ZFHX3: variants seen among roughly 807,000 people sequenced by gnomAD.
ZFHX3 encodes zinc finger homeobox 3.
In ZFHX3, 42 loss-of-function variants were observed where a neutral mutation model predicts 279.1. The observed-to-expected ratio is 0.15, with a 90% CI of 0.12 to 0.19. The LOEUF is 0.19. Among genes scored for constraint, ZFHX3 ranks in the 10% least tolerant of loss-of-function variants. The pLI, the probability that ZFHX3 is intolerant of heterozygous loss-of-function variation, is 1.00. For synonymous variants in ZFHX3, 2,293 were observed against 1,957.8 expected (o/e 1.17, Z -4.52); for missense variants, 4,981 against 4,754.0 (o/e 1.05, Z -1.40).
At chr16:73,572,995 G>T (rs559860558) in intron 2 of ZFHX3, among the ~76,000 whole-genome samples, 1 of 152,210 alleles carries the variant, frequency 6.6e-6, no homozygotes, top group African/African-American at 2.4e-5. Context: ...TTCATTATCG[G>T]AACAGCTTTC....
At chr16:73,604,246 GT>G (rs926928922) in intron 2 of ZFHX3, among the ~76,000 whole-genome samples, 16 of 151,706 alleles carry the variant, frequency 1.1e-4, no homozygotes, top group South Asian at 2.1e-4. Flanking sequence ...GCTTTAAATA[GT>G]TTTTTTTCCC....
chr16:73,876,071 A>G (rs2029936923), intron 1 of ZFHX3, among the ~76,000 whole-genome samples: 1 of 152,164 alleles, frequency 6.6e-6, no homozygotes, highest in Non-Finnish European at 1.5e-5. Flanking sequence ...CAGTGTCTGA[A>G]TTTTTTAAAA....
At chr16:73,416,507 T>C (rs573349405) in intron 3 of ZFHX3, among the ~76,000 whole-genome samples, 10 of 152,298 alleles carry the variant, frequency 6.6e-5, no homozygotes, top group Non-Finnish European at 1.5e-4. Context: ...GAAAAGTCCC[T>C]GTGAGGATAC....
intron 2 of ZFHX3, among the ~76,000 whole-genome samples, chr16:73,578,564 C>T (rs1434112954): frequency 2.0e-5 from 3 of 152,010 alleles, no homozygotes; most frequent in African/African-American, 7.2e-5. Context: ...TCAACAAAAA[C>T]ACTAACATGT....
chr16:72,957,402 C>G, intron 2 of ZFHX3, 25 bp downstream of exon 2: 1 of 1,570,770 alleles, frequency 6.4e-7, no homozygotes, highest in Non-Finnish European at 8.6e-7. Context: ...ATCATGAAAA[C>G]AGACAAACAC....
At chr16:73,842,100 C>A (rs1470050112) in intron 1 of ZFHX3, among the ~76,000 whole-genome samples, 10 of 151,812 alleles carry the variant, frequency 6.6e-5, no homozygotes, top group Non-Finnish European at 1.5e-4. Context: ...CCTGTAATCC[C>A]AGCTACTTGG....
intron 3 of ZFHX3, among the ~76,000 whole-genome samples, chr16:72,900,188 A>AG (rs1488770233): frequency 2.0e-5 from 3 of 151,204 alleles, no homozygotes; most frequent in African/African-American, 7.3e-5. Context: ...TTTGCCCATC[A>AG]GGGCACCAAT....
intron 5 of ZFHX3, among the ~76,000 whole-genome samples, chr16:73,245,686 G>A (rs528298521): frequency 2.0e-5 from 3 of 152,274 alleles, no homozygotes; most frequent in Non-Finnish European, 4.4e-5. Context: ...TCCAGAGCTG[G>A]CCCCTACCTG....
At chr16:73,472,285 A>AC (rs1175868894) in intron 2 of ZFHX3, among the ~76,000 whole-genome samples, 1 of 151,816 alleles carries the variant, frequency 6.6e-6, no homozygotes, top group Non-Finnish European at 1.5e-5. Flanking sequence ...AAAAAAAAAA[A>AC]AACAGCATAT....
chr16:73,332,830 T>C (rs1440986698), intron 3 of ZFHX3, among the ~76,000 whole-genome samples: 3 of 152,216 alleles, frequency 2.0e-5, no homozygotes, highest in African/African-American at 7.2e-5. Context: ...CAAGAGTTTG[T>C]ACAGTTTCCA....
intron 5 of ZFHX3, chr16:73,233,254 A>T (rs904275275): frequency 2.6e-5 from 4 of 152,204 alleles, no homozygotes; most frequent in Non-Finnish European, 5.9e-5. Context: ...GGACAGAATT[A>T]GGGACCACCA....
At chr16:72,919,524 A>T (rs957279399) in intron 3 of ZFHX3, among the ~76,000 whole-genome samples, 2 of 151,960 alleles carry the variant, frequency 1.3e-5, no homozygotes, top group African/African-American at 4.8e-5. Flanking sequence ...AGAATCCTTG[A>T]GCCAGGTGGT....
In ZFHX3 at chr16:73,834,975, C is replaced by CAG. The variant is rs368165431; in HGVS notation, c.-1608+56674_-1608+56675dup. Among the ~76,000 whole-genome samples the CAG allele has an allele frequency of 2.5e-3, 375 of 152,226 alleles. 3 individuals carry two copies. The highest frequency in any genetic ancestry group is 8.5e-3 in the African/African-American group (353 of 41,540). On this transcript the variant is annotated intron_variant, in intron 1 of 17. Coordinates refer to the ZFHX3 transcript ENST00000641206. Reference sequence around the variant, plus strand: ...CAAATGTGACCTAGGCAAGATTTTGCAGTGTTTGTAGAACAGGGAAGGACT... The same window carrying CAG: ...CAAATGTGACCTAGGCAAGATTTTGCAGAGTGTTTGTAGAACAGGGAAGGACT...
intron 1 of ZFHX3, among the ~76,000 whole-genome samples, chr16:73,725,369 G>A (rs1296039481): frequency 6.6e-6 from 1 of 152,174 alleles, no homozygotes; most frequent in African/African-American, 2.4e-5. Context: ...GGGGCCTGGA[G>A]GGCGACAGTT....
chr16:73,128,001 A>C (rs1323861917), intron 7 of ZFHX3, among the ~76,000 whole-genome samples: 1 of 152,216 alleles, frequency 6.6e-6, no homozygotes, highest in African/African-American at 2.4e-5. Context: ...GATCCTGCAT[A>C]CTAGTGTTGA....
intron 2 of ZFHX3, among the ~76,000 whole-genome samples, chr16:73,538,564 A>G (rs76165318): frequency 6.6e-6 from 1 of 152,222 alleles, no homozygotes; most frequent in South Asian, 2.1e-4. Context: ...CAAAGCAAGG[A>G]TGAGAGGAGA....
chr16:73,886,185 A>C (rs1738454861), intron 1 of ZFHX3, among the ~76,000 whole-genome samples: 1 of 152,206 alleles, frequency 6.6e-6, no homozygotes, highest in Admixed American at 6.5e-5. Context: ...CTACACCTCA[A>C]ATTCTGTTAC....
At chr16:73,384,223 C>A (rs1008438781) in intron 3 of ZFHX3, among the ~76,000 whole-genome samples, 2 of 152,216 alleles carry the variant, frequency 1.3e-5, no homozygotes, top group African/African-American at 4.8e-5. Flanking sequence ...CACTGCCACA[C>A]CCCTGTGTTT....
At chr16:72,906,516 C>G (rs2039176558) in intron 3 of ZFHX3, among the ~76,000 whole-genome samples, 1 of 152,134 alleles carries the variant, frequency 6.6e-6, no homozygotes, top group African/African-American at 2.4e-5. Flanking sequence ...AAAAAGCTGG[C>G]CGGGCATGGT....
Sources: allele counts gnomAD v4.1 joint callset (sites outside exome capture counted in the v4.1 genomes callset), GRCh38; gene constraint gnomAD v4.1.1; transcripts MANE v1.5; gene names NCBI Gene and HGNC (gene_info 2026-07-23, HGNC 2026-07-21).